The following CPSF3 variants were observed in gnomAD, a reference collection of about 807,000 sequenced individuals.
The protein encoded by CPSF3 is cleavage and polyadenylation specificity factor subunit 3.
CPSF3 carries 57 observed loss-of-function variants against 84.1 expected under a neutral mutation model. The ratio of observed to expected loss-of-function variants is 0.68; its 90% CI spans 0.55 to 0.85. The LOEUF is 0.85. Among genes scored for constraint, CPSF3 ranks in the 40% least tolerant of loss-of-function variants. The probability of loss-of-function intolerance (pLI) is 0.00; values close to 1 mark genes in which losing one functional copy is unlikely to be tolerated. For missense variants in CPSF3, 522 were observed against 838.8 expected, an observed-to-expected ratio of 0.62 and a Z score of 4.66; for synonymous variants, 275 against 278.1, an observed-to-expected ratio of 0.99 and a Z score of 0.11.
chr2:9,435,303 AG>A (rs1680734781), intron 6 of CPSF3, among the ~76,000 whole-genome samples: 6 of 152,338 alleles, frequency 3.9e-5, no homozygotes, highest in Admixed American at 3.9e-4. Flanking sequence ...GACTTATCAG[AG>A]GTGGGAGAAA....
In CPSF3 at chr2:9,443,639, G is replaced by C. The variant is rs575800648; in HGVS notation, c.1220G>C (p.Arg407Pro). ...TACCAGCAAACCAGTGAATTTATTC[G>C]TGCTTTGAAACCGCCTCATGTGGTT... ...TDYQQTSEFI[R>P]ALKPPHVILV... Residue 407 changes from arginine to proline, a missense_variant, in exon 10 of 18, where the codon CGT becomes CCT. Arg to Pro is a moderately radical substitution (Grantham distance 103). Coordinates refer to ENST00000238112, the MANE Select transcript of CPSF3 (RefSeq NM_016207.4). 1 of 1,613,916 alleles carries C rather than the reference G, an allele frequency of 6.2e-7. No individual in the cohort carries two copies. The highest frequency in any genetic ancestry group is 1.3e-5 in the African/African-American group (1 of 74,968).
rs1376732855 is a variant in CPSF3 at position 9,432,692 on chromosome 2, C to T, written c.519+4C>T. The T allele has an allele frequency of 6.7e-7, 1 of 1,502,176 alleles. No individual in the cohort carries two copies. The highest frequency in any genetic ancestry group is 1.4e-5 in the South Asian group (1 of 71,722). The allele number at this position is 1,502,176 out of a possible 1,614,324, so 93.1% of individuals were successfully genotyped here. ...GATTGAGATCGCAGGCGTGAAGGTA[C>T]CCTCTGGCTGTGGCGCTTTTCTCCC... On this transcript the variant is annotated splice_donor_region_variant and intron_variant, in intron 5 of 17. Coordinates refer to ENST00000238112, the MANE Select transcript of CPSF3 (RefSeq NM_016207.4).
At chr2:9,438,147 G>A (rs1304774452) in intron 7 of CPSF3, among the ~76,000 whole-genome samples, 1 of 152,188 alleles carries the variant, frequency 6.6e-6, no homozygotes, top group East Asian at 1.9e-4. Flanking sequence ...ACACTGAAAA[G>A]GAAAACAGAA....
chr2:9,425,947 C>T (rs895165518), intron 1 of CPSF3, among the ~76,000 whole-genome samples: 3 of 152,214 alleles, frequency 2.0e-5, no homozygotes, highest in Admixed American at 2.0e-4. Context: ...AACCACTAAT[C>T]TACTTCTTTA....
chr2:9,441,647 C>G, intron 8 of CPSF3, 171 bp from the exon 9 acceptor site: 1 of 658,342 alleles, frequency 1.5e-6, no homozygotes, highest in Non-Finnish European at 2.5e-6. Flanking sequence ...CCATTCCTAG[C>G]CTAAACTGTT....
chr2:9,466,769 C>T (rs1681996044), intron 15 of CPSF3, among the ~76,000 whole-genome samples: 1 of 152,184 alleles, frequency 6.6e-6, no homozygotes, highest in South Asian at 2.1e-4. Context: ...CAATATATAG[C>T]CTTTGATGAC....
intron 14 of CPSF3, among the ~76,000 whole-genome samples, chr2:9,457,787 C>G (rs1229860283): frequency 6.6e-6 from 1 of 151,840 alleles, no homozygotes; most frequent in African/African-American, 2.4e-5. Flanking sequence ...GAGTCTTACT[C>G]TGTCACCCAG....
At chr2:9,454,262 G>A (rs887993181) in intron 12 of CPSF3, among the ~76,000 whole-genome samples, 3 of 152,010 alleles carry the variant, frequency 2.0e-5, no homozygotes, top group Non-Finnish European at 4.4e-5. Context: ...ACAAAAATTA[G>A]CTGGGTGTGG....
Position 9,433,860 on chromosome 2 carries a change from C to T in CPSF3, c.520-11C>T. On this transcript the variant is annotated splice_polypyrimidine_tract_variant and intron_variant, in intron 5 of 17. Coordinates refer to ENST00000238112, the MANE Select transcript of CPSF3 (RefSeq NM_016207.4). ...CCAAATCCTAACTTTCTAGTTTTAT[C>T]TTTTTCACAGCTTTTGTACACTGGT... The T allele has an allele frequency of 6.3e-7, 1 of 1,588,368 alleles. No individual in the cohort carries two copies.
chr2:9,430,353 G>A lies in CPSF3; in HGVS notation c.212+333G>A, dbSNP rs528124244. 3.9e-5 allele frequency among the ~76,000 whole-genome samples: 6 copies of A among 152,224 alleles called. No homozygotes were observed. The East Asian group carries it at 7.7e-4, about 20-fold the overall frequency. On this transcript the variant is annotated intron_variant, in intron 3 of 17. Transcript: ENST00000238112. The stretch of plus-strand genomic sequence containing the variant: ...TTTTATCACATTCTTCTATAAGAAC[G>A]CCATTTCACCTTTATTGAAACTATT...
chr2:9,459,941 C>T (rs1326217678), intron 15 of CPSF3, among the ~76,000 whole-genome samples: 2 of 152,050 alleles, frequency 1.3e-5, no homozygotes, highest in Non-Finnish European at 2.9e-5. Context: ...AGCCACTGCG[C>T]CCAGCCACTC....
At chr2:9,465,614 T>C (rs1005762705) in intron 15 of CPSF3, among the ~76,000 whole-genome samples, 1 of 152,112 alleles carries the variant, frequency 6.6e-6, no homozygotes, top group Non-Finnish European at 1.5e-5. Context: ...ATTGGTTATG[T>C]ATATTTATTA....
At chr2:9,472,684 C>T (rs936052147) in intron 17 of CPSF3, among the ~76,000 whole-genome samples, 4 of 152,118 alleles carry the variant, frequency 2.6e-5, no homozygotes, top group East Asian at 1.9e-4. Context: ...GACCCGGTCT[C>T]GCAGTGCCGC....
intron 9 of CPSF3, among the ~76,000 whole-genome samples, chr2:9,443,046 C>T (rs889817833): frequency 5.9e-5 from 9 of 152,072 alleles, no homozygotes; most frequent in African/African-American, 2.2e-4. Context: ...GCCTGTAGTC[C>T]TAGCTAGTTG....
chr2:9,437,830 G>C (rs967185642), intron 7 of CPSF3, among the ~76,000 whole-genome samples: 5 of 152,130 alleles, frequency 3.3e-5, no homozygotes, highest in Admixed American at 1.3e-4. Flanking sequence ...GCAAGACCCT[G>C]TCTCTACAAA....
rs1194935212 is a variant in CPSF3, at chr2:9,467,721, G to A, written c.1801G>A (p.Val601Ile). The A allele has an allele frequency of 6.2e-7, 1 of 1,612,422 alleles. No homozygotes were observed. The highest frequency in any genetic ancestry group is 1.7e-5 in the Admixed American group (1 of 59,960). Residue 601 changes from valine (V) to isoleucine (I), a missense_variant, in exon 16 of 18, where the codon GTT becomes ATT. This residue lies in a region of CPSF3 where 193 missense variants were observed against 231.6 expected (regional missense o/e 0.83). Transcript: ENST00000238112. Reference protein sequence around the residue: ...PKIRKGAVQKVSKKLEMHVYS... With the variant: ...PKIRKGAVQKISKKLEMHVYS... ...TTTTTTCCCAGGTGCAGTACAGAAG[G>A]TTTCTAAAAAATTAGAAATGCACGT...
At chr2:9,462,007 G>T (rs1681742417) in intron 15 of CPSF3, among the ~76,000 whole-genome samples, 1 of 152,084 alleles carries the variant, frequency 6.6e-6, no homozygotes, top group African/African-American at 2.4e-5. Context: ...TGATCCGCCT[G>T]TGTTGACCTC....
intron 13 of CPSF3, among the ~76,000 whole-genome samples, chr2:9,456,557 G>GA (rs1681536674): frequency 6.6e-6 from 1 of 152,202 alleles, no homozygotes. Flanking sequence ...TTCCGCTGTA[G>GA]AATGTTGACG....
chr2:9,455,401 T>C (rs1028579351), intron 12 of CPSF3, among the ~76,000 whole-genome samples: 4 of 152,152 alleles, frequency 2.6e-5, no homozygotes, highest in African/African-American at 7.2e-5. Flanking sequence ...CCCAAAGTGC[T>C]GGGATTACAG....
Sources: gnomAD v4.1 joint callset for allele counts (sites outside exome capture counted in the v4.1 genomes callset) on GRCh38, gnomAD v4.1.1 for gene constraint, gnomAD v4.1.1 regional missense constraint, MANE v1.5 for transcripts, NCBI Gene and HGNC (gene_info 2026-07-23, HGNC 2026-07-21) for gene names.